Variants in WDR33 observed in about 807,000 individuals in gnomAD.
WDR33 encodes pre-mRNA 3' end processing protein WDR33.
In WDR33, 47 loss-of-function variants were observed where a neutral mutation model predicts 164.9. The ratio of observed to expected loss-of-function variants is 0.29; its 90% CI spans 0.23 to 0.36. The LOEUF is 0.36. WDR33 is among the 10% of genes least tolerant of loss of function. The pLI, the probability that WDR33 is intolerant of heterozygous loss-of-function variation, is 1.00. For synonymous variants in WDR33, 505 were observed against 589.0 expected, an observed-to-expected ratio of 0.86 and a Z score of 2.06; for missense variants, 1,137 against 1,754.1, an observed-to-expected ratio of 0.65 and a Z score of 6.28.
intron 7 of WDR33, among the ~76,000 whole-genome samples, chr2:127,756,737 GA>G (rs1372748709): frequency 2.0e-5 from 3 of 152,088 alleles, no homozygotes; most frequent in Non-Finnish European, 2.9e-5. Flanking sequence ...GGCTCTTTCT[GA>G]AAACTGACTG....
At chr2:127,733,711 A>G (rs1686766133) in intron 7 of WDR33, among the ~76,000 whole-genome samples, 1 of 150,970 alleles carries the variant, frequency 6.6e-6, no homozygotes, top group African/African-American at 2.5e-5. Flanking sequence ...GTCACAAAAC[A>G]AAAAACAAAA....
In WDR33 at chr2:127,708,375, G is replaced by C. The variant is rs1168621794; in HGVS notation, c.3781+302C>G. On this transcript the variant is annotated intron_variant, in intron 21 of 21. Coordinates refer to ENST00000322313, the MANE Select transcript of WDR33 (RefSeq NM_018383.5). This position sits in a 1 kb window ranked among gnomAD's most constrained non-coding sequence, Gnocchi z 6.7. Reference sequence around the variant, plus strand: ...CCTTGAGGGTTCCAAGCAGCCTTGTGGAGGGCAGACTGCCAAGGAGAGCAG... The same window carrying C: ...CCTTGAGGGTTCCAAGCAGCCTTGTCGAGGGCAGACTGCCAAGGAGAGCAG... Among the ~76,000 whole-genome samples, 2 of 152,200 alleles carry C rather than the reference G, an allele frequency of 1.3e-5. No individual in the cohort carries two copies. Among genetic ancestry groups the C allele is most frequent in the East Asian group, 3.9e-4 (2 of 5,194 alleles).
At position 127,770,985 on chromosome 2, in the gene WDR33, G is replaced by T; in HGVS notation, c.-4C>A. 6.2e-7 allele frequency: 1 copy of T among 1,613,430 alleles called. No homozygotes were observed. Among genetic ancestry groups the T allele is most frequent in the East Asian group, 2.2e-5 (1 of 44,826 alleles). On this transcript the variant is annotated 5_prime_UTR_variant, in exon 2 of 22. Transcript: ENST00000322313. The surrounding 1 kb of genome is among the most constrained non-coding windows in gnomAD (Gnocchi z 4.9). ...GAGAACCAATTTCTGTAGCCATGGT[G>T]ATGTTTTCCTTCTAGGATACTAGGA...
intron 1 of WDR33, among the ~76,000 whole-genome samples, chr2:127,803,030 C>T (rs533389003): frequency 6.6e-6 from 1 of 151,750 alleles, no homozygotes; most frequent in Non-Finnish European, 1.5e-5. Flanking sequence ...AAAGCAAACC[C>T]TAATAATGAA....
rs541772528 is a variant in WDR33, at chr2:127,718,592, AAAG to A, written c.2760+670_2760+672del. On this transcript the variant is annotated intron_variant, in intron 16 of 21. Transcript: ENST00000322313. This position sits in a 1 kb window ranked among gnomAD's most constrained non-coding sequence, Gnocchi z 4.4. ...ATTGGCTAACAAAAACAGAATCCTC[AAAG>A]AAGGAGAATTTCTACAGAAATGCTC... Among the ~76,000 whole-genome samples the A allele has an allele frequency of 2.6e-5, 4 of 152,336 alleles. No homozygotes were observed. The South Asian group carries it at 8.3e-4, about 32-fold the overall frequency.
rs10194570 is a variant in WDR33 at position 127,707,693 on chromosome 2, T to C, written c.3781+984A>G. Among the ~76,000 whole-genome samples the C allele has an allele frequency of 7.0e-3, 1,068 of 152,246 alleles. 10 individuals are homozygous for C. Among genetic ancestry groups the C allele is most frequent in the African/African-American group, 0.024 (1,017 of 41,538 alleles). Reference sequence around the variant, plus strand: ...TTGTTGAGACAAACAACTATCAAGATCAAATGGCAGGCCAGGCATGGTGGC... The same window carrying C: ...TTGTTGAGACAAACAACTATCAAGACCAAATGGCAGGCCAGGCATGGTGGC... On this transcript the variant is annotated intron_variant, in intron 21 of 21. Transcript: ENST00000322313.
intron 3 of WDR33, 50 bp from the exon 4 acceptor site, chr2:127,768,343 C>A: frequency 2.8e-6 from 3 of 1,055,700 alleles, no homozygotes; most frequent in South Asian, 2.0e-5. Context: ...ACATACAAGG[C>A]AGAAACCAGA....
chr2:127,777,801 C>T (rs888199312), intron 1 of WDR33, among the ~76,000 whole-genome samples: 2 of 152,048 alleles, frequency 1.3e-5, no homozygotes, highest in African/African-American at 4.8e-5. Flanking sequence ...TTTGTAGAGA[C>T]AGATCTTGCT....
chr2:127,751,431 TAA>T (rs1172252462), intron 7 of WDR33, among the ~76,000 whole-genome samples: 2 of 133,312 alleles, frequency 1.5e-5, no homozygotes, highest in Admixed American at 7.6e-5. Flanking sequence ...ATGCTCTATT[TAA>T]AAAAAAAAAA....
chr2:127,742,262 T>C (rs1368193125), intron 7 of WDR33, among the ~76,000 whole-genome samples: 1 of 151,878 alleles, frequency 6.6e-6, no homozygotes, highest in African/African-American at 2.4e-5. Context: ...GCACAGTGGC[T>C]CAAGTCTGTA....
intron 7 of WDR33, among the ~76,000 whole-genome samples, chr2:127,742,014 A>G (rs867580983): frequency 6.6e-6 from 1 of 152,022 alleles, no homozygotes; most frequent in Admixed American, 6.5e-5. Context: ...CAGCCTGGCC[A>G]ACATAATGAA....
chr2:127,715,088 CTTTTTTTTTT>C (rs386391178), intron 17 of WDR33, among the ~76,000 whole-genome samples: 1 of 108,572 alleles, frequency 9.2e-6, no homozygotes, highest in South Asian at 3.4e-4. Flanking sequence ...TTCTTTGTTT[CTTTTTTTTTT>C]TTTTTTTTTT....
chr2:127,774,773 T>C (rs1177196810), intron 1 of WDR33, among the ~76,000 whole-genome samples: 1 of 151,066 alleles, frequency 6.6e-6, no homozygotes, highest in Non-Finnish European at 1.5e-5. Context: ...GAGCTTGCAG[T>C]GAGCAGAGAT....
intron 1 of WDR33, among the ~76,000 whole-genome samples, chr2:127,781,132 G>A (rs1422890259): frequency 1.3e-5 from 2 of 152,152 alleles, no homozygotes; most frequent in Non-Finnish European, 2.9e-5. Context: ...CCGAAGTGCT[G>A]GGATTATAGG....
chr2:127,759,412 C>T (rs1478144835), intron 7 of WDR33, among the ~76,000 whole-genome samples: 1 of 152,072 alleles, frequency 6.6e-6, no homozygotes, highest in East Asian at 1.9e-4. Flanking sequence ...AACTACAGGC[C>T]AGGCACGGTG....
In WDR33 at chr2:127,764,987, A is replaced by G. The variant is rs1006433310; in HGVS notation, c.475-8T>C. 6 of 1,612,684 alleles carry G rather than the reference A, an allele frequency of 3.7e-6. No individual in the cohort carries two copies. The African/African-American group carries it at 8.0e-5, about 22-fold the overall frequency. ...CACTGGGCTGTCGTGAGCCTGTGAA[A>G]GCAGAAAACATTAATTAGTAAGGTG... On this transcript the variant is annotated splice_polypyrimidine_tract_variant and splice_region_variant and intron_variant, in intron 5 of 21. Transcript: ENST00000322313. The surrounding 1 kb of genome is among the most constrained non-coding windows in gnomAD (Gnocchi z 6.2).
At chr2:127,773,774 TTTTA>T (rs1466940738) in intron 1 of WDR33, among the ~76,000 whole-genome samples, 4 of 152,190 alleles carry the variant, frequency 2.6e-5, no homozygotes, top group Non-Finnish European at 4.4e-5. Context: ...GTAAGCATTT[TTTTA>T]TTTGAGATGG....
At chr2:127,736,098 G>C in intron 7 of WDR33, 3 of 985,444 alleles carry the variant, frequency 3.0e-6, no homozygotes, top group Non-Finnish European at 3.6e-6. Flanking sequence ...CCCAGTCTGA[G>C]AGCCTTCAGT....
intron 4 of WDR33, among the ~76,000 whole-genome samples, chr2:127,766,624 G>A (rs1259268884): frequency 6.6e-6 from 1 of 152,060 alleles, no homozygotes; most frequent in African/African-American, 2.4e-5. Flanking sequence ...AGATATGGAT[G>A]CTCGGATTTT....
Sources: allele counts gnomAD v4.1 joint callset (sites outside exome capture counted in the v4.1 genomes callset), GRCh38; gene constraint gnomAD v4.1.1; non-coding constraint Gnocchi (gnomAD v3.1); transcripts MANE v1.5; gene names NCBI Gene and HGNC (gene_info 2026-07-23, HGNC 2026-07-21).